The following ZNF236 variants were observed in gnomAD, a reference collection of about 807,000 sequenced individuals.
ZNF236 encodes zinc finger protein 236.
In ZNF236, 50 loss-of-function variants were observed where a neutral mutation model predicts 191.2. The observed-to-expected ratio is 0.26, with a 90% CI of 0.21 to 0.33. ZNF236 has a LOEUF of 0.33. Among genes scored for constraint, ZNF236 ranks in the 10% least tolerant of loss-of-function variants. The pLI, the probability that ZNF236 is intolerant of heterozygous loss-of-function variation, is 1.00. For missense variants in ZNF236, 1,754 were observed against 2,374.5 expected, an observed-to-expected ratio of 0.74 and a Z score of 5.43; for synonymous variants, 907 against 928.8, an observed-to-expected ratio of 0.98 and a Z score of 0.43.
intron 1 of ZNF236, among the ~76,000 whole-genome samples, chr18:76,829,054 G>A (rs1236284550): frequency 6.6e-6 from 1 of 152,186 alleles, no homozygotes; most frequent in African/African-American, 2.4e-5. Flanking sequence ...TAAAACCTTG[G>A]TCTTTCATGC....
chr18:76,936,483 A>G (rs1217125324), intron 25 of ZNF236: 1 of 449,416 alleles, frequency 2.2e-6, no homozygotes, highest in Non-Finnish European at 4.5e-6. Flanking sequence ...TTCTCTTAGT[A>G]TCGGCTGCAA....
Position 76,927,501 on chromosome 18 carries a change from G to A in ZNF236, c.4398G>A (p.Leu1466=). The change falls in exon 24 of 31, where the codon CTG becomes CTA. Residue 1466 remains leucine (L), a synonymous_variant. Coordinates refer to ENST00000320610, the MANE Select transcript of ZNF236 (RefSeq NM_001306089.2). The surrounding 1 kb of genome is among the most constrained non-coding windows in gnomAD (Gnocchi z 5.4). ...CGCTGTCTGAGCAGGATTCAGTGCT[G>A]ACCACTAACAGCAGTGGTAAGAGCC... ...IGPLSEQDSV[L]TTNSSGTQDL... is the part of the protein sequence containing the mutation. 1 of 1,613,980 alleles carries A rather than the reference G, an allele frequency of 6.2e-7. No individual in the cohort carries two copies. Among genetic ancestry groups the A allele is most frequent in the Non-Finnish European group, 8.5e-7 (1 of 1,180,012 alleles).
intron 1 of ZNF236, among the ~76,000 whole-genome samples, chr18:76,828,460 G>T (rs1309453740): frequency 6.6e-6 from 1 of 152,124 alleles, no homozygotes; most frequent in East Asian, 1.9e-4. Context: ...GAGCCCCCAC[G>T]CCTGCCAGAC....
intron 1 of ZNF236, among the ~76,000 whole-genome samples, chr18:76,847,035 C>T (rs2122492163): frequency 6.6e-6 from 1 of 152,250 alleles, no homozygotes; most frequent in Middle Eastern, 3.4e-3. Context: ...TCTGGTGATC[C>T]ACCCACCCTG....
chr18:76,887,191 G>T (rs1163861836), intron 9 of ZNF236: 2 of 152,128 alleles, frequency 1.3e-5, no homozygotes, highest in African/African-American at 4.8e-5. Flanking sequence ...TGGCCAACAT[G>T]GTGAAACCTG....
chr18:76,861,461 G>A (rs578261869), intron 3 of ZNF236, among the ~76,000 whole-genome samples: 31 of 152,308 alleles, frequency 2.0e-4, no homozygotes, highest in Admixed American at 9.8e-4. Context: ...GGGCGGCTGC[G>A]AAATAGTGTT....
chr18:76,921,780 C>T (rs1967543135), intron 20 of ZNF236, among the ~76,000 whole-genome samples: 1 of 115,366 alleles, frequency 8.7e-6, no homozygotes. Flanking sequence ...CTCGCTCTGT[C>T]GCCCAGGCTG....
chr18:76,917,621 C>T (rs1375750759), intron 19 of ZNF236, among the ~76,000 whole-genome samples: 4 of 152,206 alleles, frequency 2.6e-5, no homozygotes, highest in Non-Finnish European at 4.4e-5. Flanking sequence ...TTTATTGTGA[C>T]GTTAGCCTGC....
chr18:76,871,108 A>G (rs2122604614), intron 4 of ZNF236, among the ~76,000 whole-genome samples: 1 of 152,290 alleles, frequency 6.6e-6, no homozygotes, highest in East Asian at 1.9e-4. Context: ...TTGGAGATGG[A>G]CTAGAAAAAT....
chr18:76,888,243 G>T (rs907784604), intron 9 of ZNF236: 3 of 152,296 alleles, frequency 2.0e-5, no homozygotes, highest in Non-Finnish European at 2.9e-5. Context: ...GGTGCCTGTA[G>T]TCCCAGCTAC....
intron 22 of ZNF236, 45 bp from the exon 23 acceptor site, chr18:76,926,992 A>G (rs770385860): frequency 1.9e-6 from 3 of 1,567,382 alleles, no homozygotes; most frequent in East Asian, 2.3e-5. Flanking sequence ...AGTTTTAAGA[A>G]GCATTCATAA....
rs543575537 is a variant in ZNF236, at chr18:76,972,334, G to A, written c.*3995G>A. Among the ~76,000 whole-genome samples the A allele has an allele frequency of 8.5e-4, 129 of 152,262 alleles. No homozygotes were observed. The highest frequency in any genetic ancestry group is 3.0e-3 in the African/African-American group (123 of 41,546). On this transcript the variant is annotated 3_prime_UTR_variant, in exon 31 of 31. Coordinates refer to ENST00000320610, the MANE Select transcript of ZNF236 (RefSeq NM_001306089.2). ...CATGTTCTTTGTCATGGTGTGGCTT[G>A]CCACAACATGTCCTGTTTGGTGGCT...
chr18:76,902,810 C>CA (rs780791728), intron 11 of ZNF236, among the ~76,000 whole-genome samples: 69 of 149,738 alleles, frequency 4.6e-4, no homozygotes, highest in Non-Finnish European at 8.5e-4. Flanking sequence ...AGGCTGATCT[C>CA]AAACTCCCGA....
rs1968854269 is a variant in ZNF236, at chr18:76,969,039, C to T, written c.*700C>T. The T allele has an allele frequency of 3.0e-5, 28 of 921,008 alleles. No individual in the cohort carries two copies. The highest frequency in any genetic ancestry group is 5.0e-5 in the South Asian group (1 of 20,042). The allele number at this position is 921,008 out of a possible 1,614,324, so 57.1% of individuals were successfully genotyped here. A position where few individuals can be genotyped will look rare whatever the true frequency, so the allele number is the denominator to read the frequency against. On this transcript the variant is annotated 3_prime_UTR_variant, in exon 31 of 31. Coordinates refer to ENST00000320610, the MANE Select transcript of ZNF236 (RefSeq NM_001306089.2). Reference sequence around the variant, plus strand: ...GGATTCAGCTGTCCACACGGGCTGGCGACACACTTACCGCATCAATCTGTG... The same window carrying T: ...GGATTCAGCTGTCCACACGGGCTGGTGACACACTTACCGCATCAATCTGTG...
rs753384186 is a variant in ZNF236 at position 76,925,595 on chromosome 18, G to C, written c.4027+41G>C. Reference sequence around the variant, plus strand: ...AGGGAATGAGAGCAGCACAGTGATTGAACTGTTCTGTGCTGCTTCTGTCTG... The same window carrying C: ...AGGGAATGAGAGCAGCACAGTGATTCAACTGTTCTGTGCTGCTTCTGTCTG... On this transcript the variant is annotated intron_variant, in intron 22 of 30. Transcript: ENST00000320610. The surrounding 1 kb of genome is among the most constrained non-coding windows in gnomAD (Gnocchi z 5.7). 9 of 1,592,876 alleles carry C rather than the reference G, an allele frequency of 5.7e-6. No individual in the cohort carries two copies. Among genetic ancestry groups the C allele is most frequent in the African/African-American group, 1.3e-5 (1 of 74,786 alleles).
intron 28 of ZNF236, among the ~76,000 whole-genome samples, chr18:76,956,990 C>T (rs1055620869): frequency 6.6e-6 from 1 of 152,184 alleles, no homozygotes; most frequent in Admixed American, 6.5e-5. Context: ...CCCAAAAACC[C>T]CGTAACATGA....
At chr18:76,836,626 A>G (rs554643054) in intron 1 of ZNF236, among the ~76,000 whole-genome samples, 82 of 150,908 alleles carry the variant, frequency 5.4e-4, no homozygotes, top group African/African-American at 1.9e-3. Context: ...CGCCCAGGCT[A>G]GAGTGCAGTG....
At chr18:76,867,227 G>GTT (rs11386653) in intron 3 of ZNF236, among the ~76,000 whole-genome samples, 2,392 of 143,896 alleles carry the variant, frequency 0.017, 60 homozygotes, top group African/African-American at 0.051. Flanking sequence ...GACTGCAGAG[G>GTT]TTTTTTTTTT....
chr18:76,850,030 A>G (rs764058361), intron 2 of ZNF236, among the ~76,000 whole-genome samples: 15 of 152,130 alleles, frequency 9.9e-5, no homozygotes, highest in Admixed American at 2.0e-4. Context: ...TCTTTAAGTG[A>G]TCTTGCATTT....
Sources: allele counts gnomAD v4.1 joint callset (sites outside exome capture counted in the v4.1 genomes callset), GRCh38; gene constraint gnomAD v4.1.1; non-coding constraint Gnocchi (gnomAD v3.1); transcripts MANE v1.5; gene names NCBI Gene and HGNC (gene_info 2026-07-23, HGNC 2026-07-21).